The following FEZ1 variants were observed in gnomAD, a reference collection of about 807,000 sequenced individuals.
The protein encoded by FEZ1 is fasciculation and elongation protein zeta-1.
A neutral mutation model predicts 49.3 loss-of-function variants in FEZ1; 20 were observed. That is an observed-to-expected ratio of 0.41 (90% CI 0.29 to 0.59). FEZ1 has a LOEUF of 0.59. Among genes scored for constraint, FEZ1 ranks in the 20% least tolerant of loss-of-function variants. The pLI is 0.36. For missense variants in FEZ1, 413 were observed against 476.0 expected (o/e 0.87, Z 1.23); for synonymous variants, 170 against 180.9 (o/e 0.94, Z 0.48).
intron 5 of FEZ1, among the ~76,000 whole-genome samples, chr11:125,459,292 T>TAATAA (rs1432579675): frequency 6.6e-6 from 1 of 152,036 alleles, no homozygotes; most frequent in East Asian, 1.9e-4. Flanking sequence ...GCTTATTCAA[T>TAATAA]AATAAAATAG....
At chr11:125,467,775 G>A (rs1022293418) in intron 3 of FEZ1, among the ~76,000 whole-genome samples, 1 of 152,180 alleles carries the variant, frequency 6.6e-6, no homozygotes, top group Non-Finnish European at 1.5e-5. Context: ...GGGAGGTGGA[G>A]GCTGTAGTGA....
intron 1 of FEZ1, among the ~76,000 whole-genome samples, chr11:125,490,377 G>A (rs1017667461): frequency 2.6e-5 from 4 of 152,140 alleles, no homozygotes; most frequent in African/African-American, 9.7e-5. Context: ...TTTTGCTGCA[G>A]AAATATTAAC....
At chr11:125,447,174 T>C (rs1956906419) in intron 9 of FEZ1, among the ~76,000 whole-genome samples, 1 of 152,198 alleles carries the variant, frequency 6.6e-6, no homozygotes, top group African/African-American at 2.4e-5. Context: ...TAACCACCTA[T>C]AATGTAGTGC....
At chr11:125,487,772 T>C (rs559169122) in intron 2 of FEZ1, among the ~76,000 whole-genome samples, 1 of 152,356 alleles carries the variant, frequency 6.6e-6, no homozygotes, top group Non-Finnish European at 1.5e-5. Context: ...TGATATTCAA[T>C]ATTTCATTCA....
Position 125,489,918 on chromosome 11 carries a change from C to CA in FEZ1, c.-45-97dup. ...CACACCTGCTTCCAATTCCCTACTC[C>CA]AAAAAACAAGGCACTGGTTAAGTAC... On this transcript the variant is annotated intron_variant, in intron 1 of 9. Coordinates refer to ENST00000278919, the MANE Select transcript of FEZ1 (RefSeq NM_005103.5). The surrounding 1 kb of genome is among the most constrained non-coding windows in gnomAD (Gnocchi z 4.2). 8.6e-7 allele frequency: 1 copy of CA among 1,156,596 alleles called. No individual in the cohort carries two copies. The highest frequency in any genetic ancestry group is 1.2e-6 in the Non-Finnish European group (1 of 868,342). The allele number at this position is 1,156,596 out of a possible 1,614,324, so 71.6% of individuals were successfully genotyped here. A position where few individuals can be genotyped will look rare whatever the true frequency, so the allele number is the denominator to read the frequency against.
intron 6 of FEZ1, 72 bp from the exon 7 acceptor site, chr11:125,454,282 GCTA>G: frequency 8.6e-7 from 1 of 1,167,572 alleles, no homozygotes; most frequent in South Asian, 1.3e-5. Context: ...GGACCTCTCA[GCTA>G]CCAGGCTGTC....
At chr11:125,446,213 T>G in intron 9 of FEZ1, 102 bp from the exon 10 acceptor site, 1 of 1,094,620 alleles carries the variant, frequency 9.1e-7, no homozygotes, top group Non-Finnish European at 1.4e-6. Flanking sequence ...CACCAGCTCC[T>G]GAGTGGTGAC....
chr11:125,489,611 A>C lies in FEZ1; in HGVS notation c.167T>G (p.Phe56Cys). The change falls in exon 2 of 10, where the codon TTC becomes TGC. Residue 56 changes from phenylalanine (F) to cysteine (C), a missense_variant. Transcript: ENST00000278919. This position sits in a 1 kb window ranked among gnomAD's most constrained non-coding sequence, Gnocchi z 4.2. ...ATTTACGAGGTCCTCCATGGACTTG[A>C]AGCTGATTATTTCGGAAGAAAAATT... ...LENFSSEIIS[F>C]KSMEDLVNEF... The C allele has an allele frequency of 6.2e-7, 1 of 1,614,192 alleles. No homozygotes were observed. The highest frequency in any genetic ancestry group is 8.5e-7 in the Non-Finnish European group (1 of 1,180,040).
At position 125,456,113 on chromosome 11, in the gene FEZ1, G is replaced by A. The variant is rs1208445545; in HGVS notation, c.668-7C>T. ...CCAGACATGTGCCTCAGCCCTGCAG[G>A]GGAAGACCGTCTCCCGCATAACACC... On this transcript the variant is annotated splice_region_variant and splice_polypyrimidine_tract_variant and intron_variant, in intron 5 of 9. Coordinates refer to ENST00000278919, the MANE Select transcript of FEZ1 (RefSeq NM_005103.5). The A allele has an allele frequency of 6.4e-7, 1 of 1,574,624 alleles. No individual in the cohort carries two copies. The highest frequency in any genetic ancestry group is 1.7e-4 in the Middle Eastern group (1 of 5,828).
rs1330725034 is a variant in FEZ1, at chr11:125,455,837, T to C, written c.937A>G (p.Lys313Glu). The C allele has an allele frequency of 6.2e-7, 1 of 1,613,626 alleles. No individual in the cohort carries two copies. The highest frequency in any genetic ancestry group is 8.5e-7 in the Non-Finnish European group (1 of 1,179,646). Residue 313 changes from lysine to glutamate, a missense_variant and splice_region_variant, in exon 6 of 10, where the codon AAG (lysine) becomes GAG (glutamate). Physicochemically the swap from Lys to Glu is moderately conservative, Grantham distance 56. Transcript: ENST00000278919. The part of the protein sequence containing the change: ...RIEKGNQMPL[K>E]RFSMEGISNI... Reference sequence around the variant, plus strand: ...CTTCCACCTGGTTGTTCACCTACCTTGAGAGGCATCTGGTTTCCCTTCTCT... The same window carrying C: ...CTTCCACCTGGTTGTTCACCTACCTCGAGAGGCATCTGGTTTCCCTTCTCT...
intron 5 of FEZ1, among the ~76,000 whole-genome samples, chr11:125,459,711 G>T (rs1185399390): frequency 6.6e-6 from 1 of 152,210 alleles, no homozygotes; most frequent in African/African-American, 2.4e-5. Flanking sequence ...CCCTAACAGT[G>T]GCCTTGGACA....
chr11:125,475,552 G>A lies in FEZ1; in HGVS notation c.411+5982C>T, dbSNP rs968203472. 4.6e-5 allele frequency among the ~76,000 whole-genome samples: 7 copies of A among 152,010 alleles called. No homozygotes were observed. In the South Asian group the frequency reaches 1.0e-3, roughly 23 times the overall value. On this transcript the variant is annotated intron_variant, in intron 3 of 9. Coordinates refer to ENST00000278919, the MANE Select transcript of FEZ1 (RefSeq NM_005103.5). ...AAATGATGAGAACAAATGGACACAC[G>A]GAAGGGAACAATACACACTGGGCCC...
chr11:125,463,644 G>C, intron 3 of FEZ1, 74 bp from the exon 4 acceptor site: 1 of 880,420 alleles, frequency 1.1e-6, no homozygotes, highest in African/African-American at 1.6e-5. Context: ...TCTCGAGAAT[G>C]GATGATACTG....
Position 125,445,140 on chromosome 11 carries a change from G to C in FEZ1, c.*955C>G, listed in dbSNP as rs375912587. ...CTGCCATCAATGCTGGAGACAGTGC[G>C]AGGAGTCAGAGCTGCTGTTCATGGA... On this transcript the variant is annotated 3_prime_UTR_variant, in exon 10 of 10. Transcript: ENST00000278919. The surrounding 1 kb of genome is among the most constrained non-coding windows in gnomAD (Gnocchi z 4.4). Among the ~76,000 whole-genome samples the C allele has an allele frequency of 6.6e-6, 1 of 152,236 alleles. No homozygotes were observed. The highest frequency in any genetic ancestry group is 2.1e-4 in the South Asian group (1 of 4,836).
chr11:125,456,202 C>G, intron 5 of FEZ1, 96 bp from the exon 6 acceptor site: 1 of 1,187,044 alleles, frequency 8.4e-7, no homozygotes, highest in Non-Finnish European at 1.2e-6. Context: ...ATGGGACTGC[C>G]CCTCAGAGGA....
chr11:125,463,469 G>C lies in FEZ1; in HGVS notation c.498+15C>G, dbSNP rs779620582. On this transcript the variant is annotated intron_variant, in intron 4 of 9. Coordinates refer to ENST00000278919, the MANE Select transcript of FEZ1 (RefSeq NM_005103.5). ...AAGAACAAAAGGTCCCGATAACCTG[G>C]AGAGATACTTATACCTGATCTGCTG... 1 of 1,503,190 alleles carries C rather than the reference G, an allele frequency of 6.7e-7. No individual in the cohort carries two copies. The highest frequency in any genetic ancestry group is 2.3e-5 in the East Asian group (1 of 44,340). 93.1% of individuals were successfully genotyped at this position (1,503,190 alleles called of 1,614,324 possible).
intron 9 of FEZ1, among the ~76,000 whole-genome samples, chr11:125,446,994 G>A (rs1418216133): frequency 2.0e-5 from 3 of 152,072 alleles, no homozygotes; most frequent in Non-Finnish European, 4.4e-5. Context: ...CTTAGCTATA[G>A]GTCCCACAAA....
chr11:125,490,796 A>T (rs937974604), intron 1 of FEZ1, among the ~76,000 whole-genome samples: 1 of 152,014 alleles, frequency 6.6e-6, no homozygotes, highest in African/African-American at 2.4e-5. Flanking sequence ...ACATAGCTTC[A>T]CTCTGTGGCC....
intron 3 of FEZ1, among the ~76,000 whole-genome samples, chr11:125,474,232 G>T (rs1185350422): frequency 1.4e-5 from 2 of 146,170 alleles, no homozygotes; most frequent in African/African-American, 5.0e-5. Context: ...TAGAGACAGG[G>T]TTTCACCGTG....
Sources: gnomAD v4.1 joint callset for allele counts (sites outside exome capture counted in the v4.1 genomes callset) on GRCh38, gnomAD v4.1.1 for gene constraint, Gnocchi (gnomAD v3.1) non-coding constraint, MANE v1.5 for transcripts, NCBI Gene and HGNC (gene_info 2026-07-23, HGNC 2026-07-21) for gene names.